TBC1D5: variants seen among roughly 807,000 people sequenced by gnomAD.
TBC1D5 encodes TBC1 domain family member 5.
In TBC1D5, 75 loss-of-function variants were observed where a neutral mutation model predicts 100.3. That is an observed-to-expected ratio of 0.75 (90% CI 0.62 to 0.91). The LOEUF (loss-of-function observed/expected upper bound fraction) is 0.91. Ranked by LOEUF, TBC1D5 falls within the 40% of genes least tolerant of loss-of-function variation. The pLI, the probability that TBC1D5 is intolerant of heterozygous loss-of-function variation, is 0.00. For synonymous variants in TBC1D5, 323 were observed against 325.6 expected, an observed-to-expected ratio of 0.99 and a Z score of 0.09; for missense variants, 910 against 942.4, an observed-to-expected ratio of 0.97 and a Z score of 0.45.
At chr3:17,449,754 C>T (rs999792373) in intron 3 of TBC1D5, among the ~76,000 whole-genome samples, 7 of 152,164 alleles carry the variant, frequency 4.6e-5, no homozygotes, top group African/African-American at 9.7e-5. Flanking sequence ...AGATAAAACT[C>T]CCATCTCCCC....
chr3:17,640,143 A>T (rs539283228), intron 1 of TBC1D5, among the ~76,000 whole-genome samples: 56 of 152,060 alleles, frequency 3.7e-4, no homozygotes, highest in Non-Finnish European at 7.6e-4. Flanking sequence ...ATAACAATAA[A>T]TGCCAAACTC....
chr3:17,406,719 G>A (rs2093780409), intron 4 of TBC1D5, 193 bp from the exon 5 acceptor site: 3 of 539,854 alleles, frequency 5.6e-6, no homozygotes, highest in Non-Finnish European at 9.7e-6. Flanking sequence ...TAATGAATAT[G>A]TAGATAGCTA....
chr3:17,408,557 T>C (rs1480776605), intron 4 of TBC1D5, among the ~76,000 whole-genome samples: 1 of 152,042 alleles, frequency 6.6e-6, no homozygotes, highest in Non-Finnish European at 1.5e-5. Context: ...AGGGCCTCAG[T>C]TGATTCTCCC....
chr3:17,706,196 C>A, intron 1 of TBC1D5: 1 of 1,552,874 alleles, frequency 6.4e-7, no homozygotes, highest in Non-Finnish European at 8.7e-7. Context: ...GCCTCTTCTC[C>A]GGCATCGCGG....
exon 8 of TBC1D5, chr3:17,403,182 T>C (rs1402712408): frequency 2.5e-6 from 4 of 1,583,150 alleles, no homozygotes; most frequent in Non-Finnish European, 3.4e-6. Context: ...TCTACATACG[T>C]TCTTTTGACA....
intron 15 of TBC1D5, among the ~76,000 whole-genome samples, chr3:17,274,921 A>G (rs751240405): frequency 1.2e-4 from 19 of 152,224 alleles, no homozygotes; most frequent in Non-Finnish European, 2.6e-4. Flanking sequence ...ATCAATTCAT[A>G]TATCTTCAAC....
At chr3:17,547,374 C>T (rs1307219574) in intron 2 of TBC1D5, among the ~76,000 whole-genome samples, 1 of 152,070 alleles carries the variant, frequency 6.6e-6, no homozygotes, top group Non-Finnish European at 1.5e-5. Context: ...AATTAAAGCC[C>T]TCCTTACCTC....
chr3:17,474,587 A>G (rs543378512), intron 3 of TBC1D5, among the ~76,000 whole-genome samples: 21 of 151,606 alleles, frequency 1.4e-4, no homozygotes, highest in Non-Finnish European at 3.1e-4. Context: ...AAAATAATAA[A>G]GAACGACTCC....
chr3:17,471,579 G>GTTGATATCC lies in TBC1D5; in HGVS notation c.97+36894_97+36895insGGATATCAA, dbSNP rs1553772830. ...CATTTTAAAAAATCAAAATAGGCAGGAGAATGGCGTGAACCCGGGAGGCGG... is the reference window on the plus strand; with the variant it reads ...CATTTTAAAAAATCAAAATAGGCAGGTTGATATCCAGAATGGCGTGAACCCGGGAGGCGG... On this transcript the variant is annotated intron_variant, in intron 3 of 21. Coordinates refer to ENST00000253692, the Ensembl canonical transcript of TBC1D5. Among the ~76,000 whole-genome samples the GTTGATATCC allele has an allele frequency of 1.5e-3, 212 of 140,582 alleles. 16 individuals are homozygous for GTTGATATCC. The highest frequency in any genetic ancestry group is 5.0e-3 in the African/African-American group (167 of 33,650). The allele number at this position is 140,582 out of a possible 152,430, so 92.2% of individuals were successfully genotyped here.
At chr3:17,574,699 T>C (rs958279842) in intron 2 of TBC1D5, among the ~76,000 whole-genome samples, 2 of 152,144 alleles carry the variant, frequency 1.3e-5, no homozygotes, top group African/African-American at 2.4e-5. Context: ...ATAAGATTTC[T>C]GGACCAGAAA....
At chr3:17,568,212 T>C (rs542578143) in intron 2 of TBC1D5, among the ~76,000 whole-genome samples, 6 of 151,592 alleles carry the variant, frequency 4.0e-5, no homozygotes, top group African/African-American at 7.2e-5. Flanking sequence ...AAAATATATA[T>C]ATATTTTCAC....
intron 13 of TBC1D5, among the ~76,000 whole-genome samples, chr3:17,343,882 C>T (rs1305346122): frequency 1.3e-4 from 19 of 151,696 alleles, no homozygotes; most frequent in East Asian, 1.9e-4. Context: ...GTCTTGCTAG[C>T]GGTCTATCAA....
chr3:17,697,510 TA>T (rs1292055116), intron 1 of TBC1D5, among the ~76,000 whole-genome samples: 16 of 152,168 alleles, frequency 1.1e-4, no homozygotes, highest in African/African-American at 3.9e-4. Flanking sequence ...TCACAATTGC[TA>T]CCAAGAGAAT....
intron 2 of TBC1D5, among the ~76,000 whole-genome samples, chr3:17,565,993 G>A (rs2096591126): frequency 6.6e-6 from 1 of 151,890 alleles, no homozygotes; most frequent in South Asian, 2.1e-4. Flanking sequence ...GTATTCTACG[G>A]AGGAAAATCA....
At chr3:17,395,918 G>T (rs1267004506) in intron 8 of TBC1D5, among the ~76,000 whole-genome samples, 1 of 152,070 alleles carries the variant, frequency 6.6e-6, no homozygotes, top group East Asian at 1.9e-4. Context: ...AGCAGTACAG[G>T]AAAGATACTA....
At chr3:17,226,363 G>A (rs561538763) in intron 17 of TBC1D5, among the ~76,000 whole-genome samples, 1 of 147,462 alleles carries the variant, frequency 6.8e-6, no homozygotes, top group Non-Finnish European at 1.5e-5. Flanking sequence ...TTTGTTGCAC[G>A]AAAATTTAAA....
chr3:17,608,571 T>G (rs949988458), intron 2 of TBC1D5, among the ~76,000 whole-genome samples: 8 of 152,322 alleles, frequency 5.3e-5, no homozygotes, highest in African/African-American at 1.9e-4. Context: ...TCATTTGTCT[T>G]CTTCAGTTGG....
At chr3:17,338,866 G>C (rs2088382323) in intron 13 of TBC1D5, among the ~76,000 whole-genome samples, 1 of 152,146 alleles carries the variant, frequency 6.6e-6, no homozygotes. Flanking sequence ...ATCTAAATTA[G>C]TATACAATGA....
intron 3 of TBC1D5, among the ~76,000 whole-genome samples, chr3:17,485,515 CAG>C (rs1426662958): frequency 1.3e-4 from 19 of 140,998 alleles, no homozygotes; most frequent in African/African-American, 4.5e-4. Flanking sequence ...CAACAGTCCC[CAG>C]AGTGTGATGT....
Sources: gnomAD v4.1 joint callset for allele counts (sites outside exome capture counted in the v4.1 genomes callset) on GRCh38, gnomAD v4.1.1 for gene constraint, MANE v1.5 for transcripts, NCBI Gene and HGNC (gene_info 2026-07-23, HGNC 2026-07-21) for gene names.